The following MRTFA variants were observed in gnomAD, a reference collection of about 807,000 sequenced individuals.
MRTFA encodes myocardin-related transcription factor A.
MRTFA carries 20 observed loss-of-function variants against 83.5 expected under a neutral mutation model. That is an observed-to-expected ratio of 0.24 (90% CI 0.17 to 0.35). The LOEUF (loss-of-function observed/expected upper bound fraction) is 0.35, where lower values mean the gene tolerates loss of function less well. Ranked by LOEUF, MRTFA falls within the 10% of genes least tolerant of loss-of-function variation. The pLI is 1.00. For missense variants in MRTFA, 1,200 were observed against 1,224.7 expected (o/e 0.98, Z 0.30); for synonymous variants, 659 against 541.2 (o/e 1.22, Z -3.02).
rs17001971 is a variant in MRTFA at position 40,480,550 on chromosome 22, T to C, written c.242-17264A>G. On this transcript the variant is annotated intron_variant, in intron 3 of 14. Coordinates refer to ENST00000355630, the MANE Select transcript of MRTFA (RefSeq NM_020831.6). ...ATTTCAGTGAATAGTATGGAACATG[T>C]AGAGTATATGACACAGTAGAACTCT... Among the ~76,000 whole-genome samples, 1,195 of 152,168 alleles carry C rather than the reference T, an allele frequency of 7.9e-3. 16 individuals are homozygous for C. The highest frequency in any genetic ancestry group is 0.028 in the African/African-American group (1,142 of 41,480).
intron 3 of MRTFA, among the ~76,000 whole-genome samples, chr22:40,489,212 GC>G (rs1249924775): frequency 2.0e-5 from 3 of 152,114 alleles, no homozygotes; most frequent in African/African-American, 7.2e-5. Flanking sequence ...TCGAACACCT[GC>G]TTCAGCCCAA....
chr22:40,539,428 C>T (rs1284179117), intron 3 of MRTFA, among the ~76,000 whole-genome samples: 1 of 151,240 alleles, frequency 6.6e-6, no homozygotes, highest in African/African-American at 2.4e-5. Flanking sequence ...CAACCTCCAC[C>T]TCCTGGGTTC....
chr22:40,614,296 A>G (rs1287280619), intron 1 of MRTFA, among the ~76,000 whole-genome samples: 3 of 151,838 alleles, frequency 2.0e-5, no homozygotes, highest in Non-Finnish European at 4.4e-5. Flanking sequence ...CTGTAGTCCC[A>G]GCTACTTGGG....
At chr22:40,550,115 T>G (rs2055423247) in intron 3 of MRTFA, among the ~76,000 whole-genome samples, 1 of 151,098 alleles carries the variant, frequency 6.6e-6, no homozygotes. Context: ...ATAAAGCAAG[T>G]TTTATAAAAT....
intron 11 of MRTFA, among the ~76,000 whole-genome samples, chr22:40,419,933 C>A (rs1221746239): frequency 6.6e-6 from 1 of 152,196 alleles, no homozygotes. Flanking sequence ...ACCTGAACGG[C>A]AGAGTGAGCT....
chr22:40,527,973 G>A (rs111602621), intron 3 of MRTFA, among the ~76,000 whole-genome samples: 91 of 152,168 alleles, frequency 6.0e-4, no homozygotes, highest in Non-Finnish European at 7.4e-5. Context: ...TTTGATCCGC[G>A]TCCTAACTCT....
At chr22:40,581,396 C>A (rs2055945742) in intron 2 of MRTFA, among the ~76,000 whole-genome samples, 1 of 152,098 alleles carries the variant, frequency 6.6e-6, no homozygotes, top group Non-Finnish European at 1.5e-5. Context: ...ACATTCATCA[C>A]CTTCACAAAA....
At chr22:40,600,375 GC>G (rs1258185640) in intron 1 of MRTFA, among the ~76,000 whole-genome samples, 1 of 152,140 alleles carries the variant, frequency 6.6e-6, no homozygotes, top group African/African-American at 2.4e-5. Context: ...AATACACTCT[GC>G]TGCCTTTCAT....
At chr22:40,505,009 A>T (rs1329383405) in intron 3 of MRTFA, among the ~76,000 whole-genome samples, 1 of 152,222 alleles carries the variant, frequency 6.6e-6, no homozygotes, top group East Asian at 1.9e-4. Flanking sequence ...CTCTTTGAGG[A>T]AAAGGATTAG....
At chr22:40,493,456 G>A (rs1407204752) in intron 3 of MRTFA, among the ~76,000 whole-genome samples, 1 of 152,130 alleles carries the variant, frequency 6.6e-6, no homozygotes, top group Non-Finnish European at 1.5e-5. Flanking sequence ...GGCCAACAGG[G>A]GCACTTTGAG....
At chr22:40,447,400 A>G (rs1464003741) in intron 4 of MRTFA, among the ~76,000 whole-genome samples, 1 of 151,978 alleles carries the variant, frequency 6.6e-6, no homozygotes, top group African/African-American at 2.4e-5. Flanking sequence ...GAGAGATGTA[A>G]AAAAAGGGAG....
Position 40,471,219 on chromosome 22 carries a change from T to TAA in MRTFA, c.242-7935_242-7934dup, listed in dbSNP as rs61206773. 1.1e-3 allele frequency among the ~76,000 whole-genome samples: 45 copies of TAA among 42,692 alleles called. 1 individual carries two copies. The highest frequency in any genetic ancestry group is 3.4e-3 in the East Asian group (4 of 1,192). The allele number at this position is 42,692 out of a possible 152,430, so 28.0% of individuals were successfully genotyped here. ...CAACATGACAAAGCCCTGTTTCTAT[T>TAA]AAAAAAAAAAAAAAAAAAAAAAAAA... On this transcript the variant is annotated intron_variant, in intron 3 of 14. Coordinates refer to ENST00000355630, the MANE Select transcript of MRTFA (RefSeq NM_020831.6).
intron 2 of MRTFA, chr22:40,569,770 T>TCC (rs1569333167): frequency 1.9e-3 from 241 of 129,804 alleles, no homozygotes; most frequent in East Asian, 6.5e-3. Flanking sequence ...CATACATACA[T>TCC]ACATACATCA....
chr22:40,484,928 G>A (rs897753000), intron 3 of MRTFA, among the ~76,000 whole-genome samples: 1 of 152,038 alleles, frequency 6.6e-6, no homozygotes, highest in African/African-American at 2.4e-5. Flanking sequence ...AAGATTAGCT[G>A]GGCATGGTGG....
chr22:40,483,390 T>A (rs1188555270), intron 3 of MRTFA, among the ~76,000 whole-genome samples: 1 of 150,424 alleles, frequency 6.6e-6, no homozygotes, highest in Non-Finnish European at 1.5e-5. Context: ...TTTTTTTTTT[T>A]AAGATAGGGT....
chr22:40,568,501 T>C (rs1025228769), intron 2 of MRTFA, among the ~76,000 whole-genome samples: 1 of 152,222 alleles, frequency 6.6e-6, no homozygotes, highest in African/African-American at 2.4e-5. Flanking sequence ...TCAAAGCCTC[T>C]TGCTTCAAAC....
At chr22:40,598,981 A>C (rs978984544) in intron 1 of MRTFA, among the ~76,000 whole-genome samples, 5 of 148,576 alleles carry the variant, frequency 3.4e-5, no homozygotes, top group Non-Finnish European at 7.5e-5. Flanking sequence ...CTGGGCAACA[A>C]GAGGGAAACT....
chr22:40,411,309 G>C lies in MRTFA; in HGVS notation c.*81C>G, dbSNP rs899571527. ...TTGTCAAGACTCACAACCATGTGGA[G>C]AGGCCGAATCACGCAGGAGAGCCAC... On this transcript the variant is annotated 3_prime_UTR_variant, in exon 15 of 15. Coordinates refer to ENST00000355630, the MANE Select transcript of MRTFA (RefSeq NM_020831.6). 3 of 1,417,632 alleles carry C rather than the reference G, an allele frequency of 2.1e-6. No individual in the cohort carries two copies. The highest frequency in any genetic ancestry group is 2.9e-6 in the Non-Finnish European group (3 of 1,051,182). The allele number at this position is 1,417,632 out of a possible 1,614,324, so 87.8% of individuals were successfully genotyped here. A position where few individuals can be genotyped will look rare whatever the true frequency, so the allele number is the denominator to read the frequency against.
At position 40,452,108 on chromosome 22, in the gene MRTFA, C is replaced by T. The variant is rs139901897; in HGVS notation, c.307+11113G>A. Among the ~76,000 whole-genome samples the T allele has an allele frequency of 2.9e-3, 440 of 151,672 alleles. 3 individuals carry two copies. Among genetic ancestry groups the T allele is most frequent in the African/African-American group, 0.01 (418 of 41,306 alleles). Reference sequence around the variant, plus strand: ...AAGTGATTCTCCTGCCTCAGCCTCCCGAGTAGCTGGGACGACAGGCGCGTG... The same window carrying T: ...AAGTGATTCTCCTGCCTCAGCCTCCTGAGTAGCTGGGACGACAGGCGCGTG... On this transcript the variant is annotated intron_variant, in intron 4 of 14. Coordinates refer to ENST00000355630, the MANE Select transcript of MRTFA (RefSeq NM_020831.6).
Sources: gnomAD v4.1 joint callset for allele counts (sites outside exome capture counted in the v4.1 genomes callset) on GRCh38, gnomAD v4.1.1 for gene constraint, MANE v1.5 for transcripts, NCBI Gene and HGNC (gene_info 2026-07-23, HGNC 2026-07-21) for gene names.